The following GAS7 variants were observed in gnomAD, a reference collection of about 807,000 sequenced individuals.
GAS7 encodes the protein growth arrest-specific protein 7.
GAS7 carries 28 observed loss-of-function variants against 71.1 expected under a neutral mutation model. The ratio of observed to expected loss-of-function variants is 0.39; its 90% CI spans 0.29 to 0.54. The LOEUF is 0.54. GAS7 is among the 20% of genes least tolerant of loss of function. The pLI, the probability that GAS7 is intolerant of heterozygous loss-of-function variation, is 0.62. For missense variants in GAS7, 436 were observed against 627.8 expected, an observed-to-expected ratio of 0.69 and a Z score of 3.27; for synonymous variants, 258 against 245.8, an observed-to-expected ratio of 1.05 and a Z score of -0.46.
At position 10,161,906 on chromosome 17, in the gene GAS7, A is replaced by C. The variant is rs1003574270; in HGVS notation, c.183+36302T>G. ...GGTGAAACCCCGTCTCTACTAAAAA[A>C]CATACAAAAAATTAGCCAGGCGTGG... On this transcript the variant is annotated intron_variant, in intron 1 of 13. Coordinates refer to ENST00000432992, the MANE Select transcript of GAS7 (RefSeq NM_201433.2). Among the ~76,000 whole-genome samples, 8 of 151,858 alleles carry C rather than the reference A, an allele frequency of 5.3e-5. 1 individual carries two copies. The South Asian group carries it at 1.5e-3, about 28-fold the overall frequency.
intron 2 of GAS7, among the ~76,000 whole-genome samples, chr17:10,000,768 G>A (rs2071238918): frequency 6.6e-6 from 1 of 152,144 alleles, no homozygotes; most frequent in African/African-American, 2.4e-5. Context: ...TGTGCCCCTG[G>A]CCCTTTCTGT....
At chr17:10,008,216 C>T (rs756568657) in intron 2 of GAS7, among the ~76,000 whole-genome samples, 3 of 152,050 alleles carry the variant, frequency 2.0e-5, no homozygotes, top group African/African-American at 7.3e-5. Flanking sequence ...TTTGTGTGGA[C>T]GTGTGTTTCT....
Position 9,911,091 on chromosome 17 carries a change from T to C in GAS7, c.*6137A>G, listed in dbSNP as rs560482882. ...TAACGGAAGGGAAGGGATGCTAAGT[T>C]GGGGCCCCTGTCACTAAGGATGGCT... On this transcript the variant is annotated 3_prime_UTR_variant, in exon 14 of 14. Transcript: ENST00000432992. This position sits in a 1 kb window ranked among gnomAD's most constrained non-coding sequence, Gnocchi z 4.0. 1 of 233,174 alleles carries C rather than the reference T, an allele frequency of 4.3e-6. No individual in the cohort carries two copies. Among genetic ancestry groups the C allele is most frequent in the East Asian group, 6.0e-5 (1 of 16,562 alleles). 14.4% of individuals were successfully genotyped at this position (233,174 alleles called of 1,614,324 possible).
rs569920708 is a variant in GAS7 at position 10,065,964 on chromosome 17, G to A, written c.184-46067C>T. 2.0e-3 allele frequency among the ~76,000 whole-genome samples: 302 copies of A among 152,218 alleles called. 1 individual carries two copies. The highest frequency in any genetic ancestry group is 6.6e-3 in the African/African-American group (274 of 41,558). On this transcript the variant is annotated intron_variant, in intron 1 of 13. Transcript: ENST00000432992. ...TGCCAGGGAGGTTCAGCAGGATTGG[G>A]AGCCCCAAAGGAGGTCTATCCGGAG...
chr17:10,184,544 A>G (rs1189373079), intron 1 of GAS7, among the ~76,000 whole-genome samples: 1 of 152,248 alleles, frequency 6.6e-6, no homozygotes, highest in Admixed American at 6.5e-5. Context: ...AGGGTATTCA[A>G]ATGCCTTGCT....
In GAS7 at chr17:9,917,195, C is replaced by A. The variant is rs745778149; in HGVS notation, c.*33G>T. ...CATGGTGGGAGCCCAGCCCCCCTCC[C>A]CAGCAGGACCCCCCGAAGCTGCACA... On this transcript the variant is annotated 3_prime_UTR_variant, in exon 14 of 14. Transcript: ENST00000432992. 2 of 1,307,498 alleles carry A rather than the reference C, an allele frequency of 1.5e-6. No individual in the cohort carries two copies. The highest frequency in any genetic ancestry group is 3.4e-5 in the Admixed American group (2 of 59,638). 81.0% of individuals were successfully genotyped at this position (1,307,498 alleles called of 1,614,324 possible).
chr17:9,938,667 T>C (rs1488184485), intron 8 of GAS7, among the ~76,000 whole-genome samples: 1 of 151,274 alleles, frequency 6.6e-6, no homozygotes, highest in East Asian at 2.0e-4. Flanking sequence ...CACGAGAAAA[T>C]AAATGTCTGT....
intron 2 of GAS7, among the ~76,000 whole-genome samples, chr17:10,018,728 AC>A (rs1364447987): frequency 2.0e-5 from 3 of 151,894 alleles, no homozygotes; most frequent in Non-Finnish European, 2.9e-5. Flanking sequence ...TGTCACTAGG[AC>A]CCCCTCCTGG....
chr17:10,195,982 G>A (rs996630789), intron 1 of GAS7, among the ~76,000 whole-genome samples: 1 of 152,146 alleles, frequency 6.6e-6, no homozygotes, highest in East Asian at 1.9e-4. Flanking sequence ...ACCCCCAGCT[G>A]GTTCTGAGTA....
At chr17:10,126,365 T>TGCACACACACACAC (rs150697477) in intron 1 of GAS7, among the ~76,000 whole-genome samples, 1 of 138,660 alleles carries the variant, frequency 7.2e-6, no homozygotes, top group East Asian at 2.1e-4. Flanking sequence ...CACACACTCT[T>TGCACACACACACAC]GCACACACAC....
chr17:9,952,657 T>C (rs772947586), intron 5 of GAS7, among the ~76,000 whole-genome samples: 6 of 152,198 alleles, frequency 3.9e-5, no homozygotes, highest in Non-Finnish European at 8.8e-5. Context: ...CCTCCCAAAG[T>C]GTTGGGATTA....
At chr17:9,962,976 G>C (rs2069557771) in intron 4 of GAS7, among the ~76,000 whole-genome samples, 1 of 146,194 alleles carries the variant, frequency 6.8e-6, no homozygotes, top group Non-Finnish European at 1.5e-5. Context: ...GTCAGACCAA[G>C]AACGCAGGTT....
intron 1 of GAS7, among the ~76,000 whole-genome samples, chr17:10,144,570 G>A (rs1253092049): frequency 2.0e-5 from 3 of 151,970 alleles, no homozygotes. Flanking sequence ...TTTTAAGACA[G>A]ACATGCTCTC....
At chr17:10,052,636 G>A (rs1202220141) in intron 1 of GAS7, among the ~76,000 whole-genome samples, 1 of 152,194 alleles carries the variant, frequency 6.6e-6, no homozygotes, top group Non-Finnish European at 1.5e-5. Flanking sequence ...AAGCGGCACA[G>A]GCTGCCAGAG....
At chr17:10,079,814 CAG>C (rs1378275979) in intron 1 of GAS7, among the ~76,000 whole-genome samples, 1 of 152,146 alleles carries the variant, frequency 6.6e-6, no homozygotes, top group Non-Finnish European at 1.5e-5. Context: ...AAATATTCGA[CAG>C]AGTTTCACTC....
chr17:10,186,601 T>C (rs1210263326), intron 1 of GAS7, among the ~76,000 whole-genome samples: 1 of 152,010 alleles, frequency 6.6e-6, no homozygotes, highest in Non-Finnish European at 1.5e-5. Flanking sequence ...GGACTGGGTT[T>C]CACCACATTG....
At chr17:10,127,176 AAGTT>A (rs1344003363) in intron 1 of GAS7, among the ~76,000 whole-genome samples, 1 of 152,126 alleles carries the variant, frequency 6.6e-6, no homozygotes, top group African/African-American at 2.4e-5. Context: ...ACCCTAAATC[AAGTT>A]AGTTTAACCT....
At chr17:10,063,664 T>C (rs2073244535) in intron 1 of GAS7, among the ~76,000 whole-genome samples, 1 of 152,126 alleles carries the variant, frequency 6.6e-6, no homozygotes, top group Non-Finnish European at 1.5e-5. Flanking sequence ...AAGGTCAGGC[T>C]GCTAACAAGA....
intron 2 of GAS7, among the ~76,000 whole-genome samples, chr17:9,987,981 T>G (rs937743525): frequency 2.0e-5 from 3 of 152,240 alleles, no homozygotes; most frequent in Non-Finnish European, 4.4e-5. Context: ...TCTTGGCTTG[T>G]GCCGGCTCTC....
Sources: allele counts gnomAD v4.1 joint callset (sites outside exome capture counted in the v4.1 genomes callset), GRCh38; gene constraint gnomAD v4.1.1; non-coding constraint Gnocchi (gnomAD v3.1); transcripts MANE v1.5; gene names NCBI Gene and HGNC (gene_info 2026-07-23, HGNC 2026-07-21).